PDE4B: variants seen among roughly 807,000 people sequenced by gnomAD.
PDE4B encodes phosphodiesterase 4B.
A neutral mutation model predicts 82.2 loss-of-function variants in PDE4B; 20 were observed. The observed-to-expected ratio is 0.24, with a 90% CI of 0.17 to 0.35. The LOEUF (loss-of-function observed/expected upper bound fraction) is 0.35. Ranked by LOEUF, PDE4B falls within the 10% of genes least tolerant of loss-of-function variation. The pLI, the probability that PDE4B is intolerant of heterozygous loss-of-function variation, is 1.00. For synonymous variants in PDE4B, 320 were observed against 318.9 expected, an observed-to-expected ratio of 1.00 and a Z score of -0.04; for missense variants, 655 against 907.2, an observed-to-expected ratio of 0.72 and a Z score of 3.57.
intron 3 of PDE4B, among the ~76,000 whole-genome samples, chr1:65,990,457 G>A (rs1651183957): frequency 6.6e-6 from 1 of 152,002 alleles, no homozygotes. Context: ...TATGAATAAT[G>A]GCAAAATCAC....
At chr1:66,336,863 G>A (rs1376390686) in intron 8 of PDE4B, among the ~76,000 whole-genome samples, 3 of 152,128 alleles carry the variant, frequency 2.0e-5, no homozygotes, top group Non-Finnish European at 2.9e-5. Flanking sequence ...GAGCACAAAG[G>A]CAACTAATTG....
At chr1:66,179,738 A>G (rs1231945935) in intron 3 of PDE4B, among the ~76,000 whole-genome samples, 1 of 152,222 alleles carries the variant, frequency 6.6e-6, no homozygotes, top group Admixed American at 6.5e-5. Context: ...CTCTGGCTTC[A>G]CTGCAATTTC....
chr1:65,945,056 G>A (rs1468845070), intron 3 of PDE4B, among the ~76,000 whole-genome samples: 1 of 152,000 alleles, frequency 6.6e-6, no homozygotes, highest in Non-Finnish European at 1.5e-5. Context: ...GAGTAAAGTT[G>A]AGCAAAGGCA....
At chr1:65,922,008 T>C (rs1647267420) in intron 3 of PDE4B, among the ~76,000 whole-genome samples, 1 of 152,206 alleles carries the variant, frequency 6.6e-6, no homozygotes, top group Non-Finnish European at 1.5e-5. Flanking sequence ...AACATTAACA[T>C]GATTTTATCA....
intron 3 of PDE4B, among the ~76,000 whole-genome samples, chr1:65,997,944 T>C (rs1051769423): frequency 4.6e-5 from 7 of 152,160 alleles, no homozygotes; most frequent in African/African-American, 1.2e-4. Context: ...AGATGACATT[T>C]GTGTGGGGTT....
At chr1:65,860,128 C>G (rs903069077) in intron 1 of PDE4B, among the ~76,000 whole-genome samples, 4 of 152,162 alleles carry the variant, frequency 2.6e-5, no homozygotes, top group African/African-American at 9.6e-5. Context: ...TTTGCTGCAC[C>G]TATCAACCTG....
Position 65,874,932 on chromosome 1 carries a change from A to T in PDE4B, c.-70-38313A>T, listed in dbSNP as rs562654625. ...AAAACACCAAAAGCAATGGCAACAA[A>T]AGCCAAAATTGACAAATGGGATCTA... On this transcript the variant is annotated intron_variant, in intron 1 of 16. Coordinates refer to ENST00000341517, the MANE Select transcript of PDE4B (RefSeq NM_002600.4). 2.9e-3 allele frequency among the ~76,000 whole-genome samples: 438 copies of T among 152,240 alleles called. 4 individuals carry two copies. The highest frequency in any genetic ancestry group is 0.01 in the African/African-American group (421 of 41,550).
At chr1:65,891,432 C>G (rs1359639360) in intron 1 of PDE4B, among the ~76,000 whole-genome samples, 1 of 151,890 alleles carries the variant, frequency 6.6e-6, no homozygotes, top group Non-Finnish European at 1.5e-5. Flanking sequence ...TTTTATAGCC[C>G]TTATAAAGTT....
At chr1:65,843,907 T>A (rs1482897858) in intron 1 of PDE4B, among the ~76,000 whole-genome samples, 1 of 152,174 alleles carries the variant, frequency 6.6e-6, no homozygotes, top group African/African-American at 2.4e-5. Context: ...ATGACATAAG[T>A]GGAAATAAGA....
At chr1:65,883,386 A>G (rs1264714195) in intron 1 of PDE4B, among the ~76,000 whole-genome samples, 2 of 152,040 alleles carry the variant, frequency 1.3e-5, no homozygotes, top group African/African-American at 2.4e-5. Flanking sequence ...CTTGTAAGTT[A>G]GATTCCTAGG....
intron 3 of PDE4B, among the ~76,000 whole-genome samples, chr1:66,209,172 A>C (rs1411236170): frequency 1.3e-5 from 2 of 152,242 alleles, no homozygotes; most frequent in Non-Finnish European, 2.9e-5. Flanking sequence ...AGCAATCTGC[A>C]TGCAAGGAAT....
intron 1 of PDE4B, among the ~76,000 whole-genome samples, chr1:65,820,089 A>G (rs1248311725): frequency 6.6e-6 from 1 of 152,236 alleles, no homozygotes; most frequent in East Asian, 1.9e-4. Flanking sequence ...ACTAAAAGAT[A>G]GAAGTAATAG....
intron 8 of PDE4B, among the ~76,000 whole-genome samples, chr1:66,340,899 C>T (rs1461299257): frequency 6.6e-6 from 1 of 151,956 alleles, no homozygotes; most frequent in Non-Finnish European, 1.5e-5. Flanking sequence ...TATGCTAAAG[C>T]CAATCAGACA....
Position 65,898,003 on chromosome 1 carries a change from T to A in PDE4B, c.-70-15242T>A, listed in dbSNP as rs182506411. On this transcript the variant is annotated intron_variant, in intron 1 of 16. Coordinates refer to ENST00000341517, the MANE Select transcript of PDE4B (RefSeq NM_002600.4). ...CTACAATCTTGCAATCATCTGTTAC[T>A]TTTTGACTTTTAAGTAATAGCTATT... is the stretch of plus-strand genomic sequence containing the variant. Among the ~76,000 whole-genome samples the A allele has an allele frequency of 3.8e-4, 58 of 152,264 alleles. 2 individuals are homozygous for A. The highest frequency in any genetic ancestry group is 2.2e-4 in the Non-Finnish European group (15 of 68,008).
intron 3 of PDE4B, among the ~76,000 whole-genome samples, chr1:65,967,796 A>T (rs1228569945): frequency 1.3e-5 from 2 of 152,110 alleles, no homozygotes; most frequent in African/African-American, 4.8e-5. Context: ...GCATGTTCTC[A>T]CTCATAAGTG....
At chr1:66,193,472 G>C (rs1403726050) in intron 3 of PDE4B, among the ~76,000 whole-genome samples, 1 of 152,068 alleles carries the variant, frequency 6.6e-6, no homozygotes, top group Non-Finnish European at 1.5e-5. Flanking sequence ...AGTCACTGAA[G>C]ACCAATTTCA....
intron 1 of PDE4B, among the ~76,000 whole-genome samples, chr1:65,910,217 C>G (rs763718990): frequency 2.0e-5 from 3 of 152,156 alleles, no homozygotes; most frequent in Non-Finnish European, 4.4e-5. Context: ...CTCTGTTAGC[C>G]TAAACAAAAG....
chr1:66,332,191 G>T, intron 7 of PDE4B: 1 of 1,414,016 alleles, frequency 7.1e-7, no homozygotes, highest in Non-Finnish European at 9.2e-7. Flanking sequence ...TTAGTTTTAG[G>T]ACACATTTAT....
At chr1:65,837,496 T>C (rs559548348) in intron 1 of PDE4B, among the ~76,000 whole-genome samples, 27 of 152,218 alleles carry the variant, frequency 1.8e-4, no homozygotes, top group African/African-American at 6.5e-4. Flanking sequence ...TGATCCCAGC[T>C]ACTTGGGAGG....
Sources: allele counts gnomAD v4.1 joint callset (sites outside exome capture counted in the v4.1 genomes callset), GRCh38; gene constraint gnomAD v4.1.1; transcripts MANE v1.5; gene names NCBI Gene and HGNC (gene_info 2026-07-23, HGNC 2026-07-21).